ALDH1L1: variants seen among roughly 807,000 people sequenced by gnomAD.
The protein encoded by ALDH1L1 is cytosolic 10-formyltetrahydrofolate dehydrogenase.
In ALDH1L1, 68 loss-of-function variants were observed where a neutral mutation model predicts 101.1. The ratio of observed to expected loss-of-function variants is 0.67; its 90% CI spans 0.55 to 0.82. The LOEUF is 0.82. Among genes scored for constraint, ALDH1L1 ranks in the 40% least tolerant of loss-of-function variants. The pLI, the probability that ALDH1L1 is intolerant of heterozygous loss-of-function variation, is 0.00. For missense variants in ALDH1L1, 1,087 were observed against 1,172.7 expected, an observed-to-expected ratio of 0.93 and a Z score of 1.07; for synonymous variants, 486 against 470.8, an observed-to-expected ratio of 1.03 and a Z score of -0.42.
chr3:126,138,748 T>C (rs1272160064), intron 9 of ALDH1L1, among the ~76,000 whole-genome samples: 1 of 152,204 alleles, frequency 6.6e-6, no homozygotes, highest in African/African-American at 2.4e-5. Context: ...GAATTAAACA[T>C]ACTTCCTATT....
chr3:126,180,888 G>T, upstream of ALDH1L1: 1 of 1,588,240 alleles, frequency 6.3e-7, no homozygotes, highest in African/African-American at 1.3e-5. Flanking sequence ...GGCTAAGTGG[G>T]TCAGAGGAGA....
chr3:126,160,852 C>T lies in ALDH1L1; in HGVS notation c.127+1G>A, dbSNP rs1251328928. ...CTTCCCTGCTCCATTGGCTCACTCACCCAGGGGGTCGGCCTTTCCATCCTT... is the reference window on the plus strand; with the variant it reads ...CTTCCCTGCTCCATTGGCTCACTCATCCAGGGGGTCGGCCTTTCCATCCTT... On this transcript the variant is annotated splice_donor_variant, in intron 2 of 22. Transcript: ENST00000393434. LOFTEE classifies it high-confidence loss of function. The T allele has an allele frequency of 1.2e-6, 2 of 1,613,568 alleles. No individual in the cohort carries two copies. Among genetic ancestry groups the T allele is most frequent in the Non-Finnish European group, 1.7e-6 (2 of 1,179,724 alleles).
At chr3:126,197,232 G>T (rs2081586513) in intron 1 of ALDH1L1, among the ~76,000 whole-genome samples, 1 of 152,192 alleles carries the variant, frequency 6.6e-6, no homozygotes, top group Non-Finnish European at 1.5e-5. Context: ...CGCTGTTTCT[G>T]TAAGACTTTG....
intron 12 of ALDH1L1, 121 bp downstream of exon 12, chr3:126,135,414 A>G: frequency 7.1e-7 from 1 of 1,406,672 alleles, no homozygotes; most frequent in East Asian, 2.7e-5. Flanking sequence ...CCTCGGTCCC[A>G]TAGCCTCCCC....
At chr3:126,137,638 T>G (rs1034499142) in intron 10 of ALDH1L1, among the ~76,000 whole-genome samples, 175 bp downstream of exon 10, 1 of 152,174 alleles carries the variant, frequency 6.6e-6, no homozygotes, top group African/African-American at 2.4e-5. Flanking sequence ...CTGGCCCCAC[T>G]GTACTGACAT....
Position 126,131,534 on chromosome 3 carries a change from C to A in ALDH1L1, c.1473G>T (p.Arg491Ser). The change falls in exon 13 of 23, where the codon AGG becomes AGT. Residue 491 changes from arginine to serine, a missense_variant and splice_region_variant. By Grantham distance (110) the Arg-to-Ser change is moderately radical (BLOSUM62 -1). Coordinates refer to ENST00000393434, the MANE Select transcript of ALDH1L1 (RefSeq NM_012190.4). ...SARDRGRLMYRLADLMEQHQE... is the reference protein window; with the variant it reads ...SARDRGRLMYSLADLMEQHQE... ...GGTGCTGCTCCATGAGATCTGCCAACCTGACCAGGGTGAGGGGAAGCGGGA... is the reference window on the plus strand; with the variant it reads ...GGTGCTGCTCCATGAGATCTGCCAAACTGACCAGGGTGAGGGGAAGCGGGA... 1 of 1,605,630 alleles carries A rather than the reference C, an allele frequency of 6.2e-7. No homozygotes were observed. The highest frequency in any genetic ancestry group is 8.5e-7 in the Non-Finnish European group (1 of 1,173,098).
At chr3:126,172,427 A>C (rs1695596633) in intron 1 of ALDH1L1, among the ~76,000 whole-genome samples, 1 of 152,324 alleles carries the variant, frequency 6.6e-6, no homozygotes, top group Admixed American at 6.5e-5. Context: ...CCCTGTGATA[A>C]ATGCAAAGAA....
At chr3:126,179,830 G>A (rs1245076531) in intron 1 of ALDH1L1, 2 of 152,226 alleles carry the variant, frequency 1.3e-5, no homozygotes, top group South Asian at 2.1e-4. Flanking sequence ...CGCGGGGCCT[G>A]AGCTCTCGAT....
At chr3:126,147,702 G>A (rs2080724060) in intron 8 of ALDH1L1, among the ~76,000 whole-genome samples, 1 of 152,160 alleles carries the variant, frequency 6.6e-6, no homozygotes, top group African/African-American at 2.4e-5. Flanking sequence ...TGTCAATCAT[G>A]GGCCCAGGTT....
intron 1 of ALDH1L1, 23 bp from the exon 2 acceptor site, chr3:126,161,025 A>G (rs1464712862): frequency 6.2e-7 from 1 of 1,612,708 alleles, no homozygotes; most frequent in Non-Finnish European, 8.5e-7. Context: ...TAAGGCAGCA[A>G]TTAGACAGAG....
chr3:126,113,015 A>G, intron 18 of ALDH1L1, 135 bp from the exon 19 acceptor site: 1 of 714,746 alleles, frequency 1.4e-6, no homozygotes, highest in Admixed American at 2.4e-5. Context: ...TGTGGGCCCC[A>G]CTCAATCCTC....
chr3:126,177,568 G>C (rs1354102895), intron 1 of ALDH1L1, among the ~76,000 whole-genome samples: 1 of 152,116 alleles, frequency 6.6e-6, no homozygotes, highest in East Asian at 1.9e-4. Flanking sequence ...TTGGGGGGTG[G>C]ATGGGTAGAG....
intron 22 of ALDH1L1, 95 bp from the exon 23 acceptor site, chr3:126,103,941 C>CCAG: frequency 2.2e-6 from 3 of 1,388,474 alleles, no homozygotes; most frequent in Non-Finnish European, 2.0e-6. Context: ...CACGTGGGGG[C>CCAG]AGCTCTGGCT....
At chr3:126,154,259 G>A (rs376917025) in intron 6 of ALDH1L1, among the ~76,000 whole-genome samples, 1 of 152,154 alleles carries the variant, frequency 6.6e-6, no homozygotes. Context: ...TGGGGTCTCC[G>A]CAAGCCCAGT....
In ALDH1L1 at chr3:126,180,470, ACT is replaced by A; in HGVS notation, c.-24+4_-24+5del. On this transcript the variant is annotated splice_donor_5th_base_variant and intron_variant, in intron 1 of 22. Transcript: ENST00000393434. ...GTCCAGCGCTCTCGAGAGCCCAGAA[ACT>A]CACCGCGCGCAGGAGTTGGTGCGGG... The A allele has an allele frequency of 1.0e-6, 1 of 993,256 alleles. No homozygotes were observed. The highest frequency in any genetic ancestry group is 1.2e-6 in the Non-Finnish European group (1 of 834,628). The allele number at this position is 993,256 out of a possible 1,614,324, so 61.5% of individuals were successfully genotyped here.
intron 9 of ALDH1L1, among the ~76,000 whole-genome samples, chr3:126,139,593 T>C (rs929074533): frequency 6.6e-6 from 1 of 152,210 alleles, no homozygotes; most frequent in Non-Finnish European, 1.5e-5. Context: ...ATCGGAATTA[T>C]TGGTCAAAGA....
intron 14 of ALDH1L1, among the ~76,000 whole-genome samples, chr3:126,127,619 G>A (rs917615470): frequency 8.5e-5 from 13 of 152,182 alleles, no homozygotes; most frequent in South Asian, 2.1e-4. Context: ...GCCAGGGTGC[G>A]GCTGAAGACA....
rs375665048 is a variant in ALDH1L1, at chr3:126,121,782, G to A, written c.1888+2582C>T. 2.8e-4 allele frequency among the ~76,000 whole-genome samples: 43 copies of A among 152,354 alleles called. No homozygotes were observed. In the East Asian group the frequency reaches 4.8e-3, roughly 17 times the overall value. ...CTTGAGGGAAGCTCCACTCCAGGCA[G>A]GTGTGGCCAGGAAGGCAGCGCTTCT... On this transcript the variant is annotated intron_variant, in intron 16 of 22. Transcript: ENST00000393434.
chr3:126,121,492 T>A (rs529780768), intron 16 of ALDH1L1, among the ~76,000 whole-genome samples: 40 of 152,272 alleles, frequency 2.6e-4, no homozygotes, highest in Non-Finnish European at 4.9e-4. Context: ...TATATGATAT[T>A]TAAGAGTAAT....
Sources: gnomAD v4.1 joint callset for allele counts (sites outside exome capture counted in the v4.1 genomes callset) on GRCh38, gnomAD v4.1.1 for gene constraint, MANE v1.5 for transcripts, NCBI Gene and HGNC (gene_info 2026-07-23, HGNC 2026-07-21) for gene names.